The following DIP2C variants were observed in gnomAD, a reference collection of about 807,000 sequenced individuals.
DIP2C encodes the protein DIP2 acetate--CoA ligase C (putative), also known as disco-interacting protein 2 homolog C.
DIP2C carries 33 observed loss-of-function variants against 192.4 expected under a neutral mutation model. That is an observed-to-expected ratio of 0.17 (90% confidence interval 0.13 to 0.23). DIP2C has a LOEUF of 0.23. Among genes scored for constraint, DIP2C ranks in the 10% least tolerant of loss-of-function variants. The probability of loss-of-function intolerance (pLI) is 1.00; values close to 1 mark genes in which losing one functional copy is unlikely to be tolerated. For missense variants in DIP2C, 1,537 were observed against 2,110.1 expected, an observed-to-expected ratio of 0.73 and a Z score of 5.32; for synonymous variants, 979 against 864.1, an observed-to-expected ratio of 1.13 and a Z score of -2.33.
chr10:283,404 T>C lies in DIP2C; in HGVS notation c.4162A>G (p.Ile1388Val), dbSNP rs149699277. 212 of 1,614,056 alleles carry C rather than the reference T, an allele frequency of 1.3e-4. No homozygotes were observed. Among genetic ancestry groups the C allele is most frequent in the Non-Finnish European group, 2.8e-5 (33 of 1,180,048 alleles). The change falls in exon 35 of 37, where the codon ATT (isoleucine) becomes GTT (valine). Residue 1388 changes from isoleucine (I) to valine (V), a missense_variant. Physicochemically the swap from Ile to Val is conservative, Grantham distance 29. Coordinates refer to ENST00000280886, the MANE Select transcript of DIP2C (RefSeq NM_014974.3). Reference sequence around the variant, plus strand: ...GACTGGAGGGATTCGTCTCCGTAAATAGTGAAATAACCGCTGGCATTGTGG... The same window carrying C: ...GACTGGAGGGATTCGTCTCCGTAAACAGTGAAATAACCGCTGGCATTGTGG... ...SAHNASGYFT[I>V]YGDESLQSDH...
At chr10:639,137 G>A (rs537353555) in intron 1 of DIP2C, among the ~76,000 whole-genome samples, 392 of 150,262 alleles carry the variant, frequency 2.6e-3, no homozygotes, top group African/African-American at 8.8e-3. Context: ...TCCACACATG[G>A]GGACGCGTCA....
intron 1 of DIP2C, among the ~76,000 whole-genome samples, chr10:640,744 G>C (rs1855144227): frequency 6.7e-6 from 1 of 149,882 alleles, no homozygotes; most frequent in South Asian, 2.1e-4. Flanking sequence ...TGGGCGCCGG[G>C]AAGAGGGTGG....
At chr10:598,613 T>C (rs1851864800) in intron 1 of DIP2C, among the ~76,000 whole-genome samples, 1 of 150,318 alleles carries the variant, frequency 6.7e-6, no homozygotes, top group African/African-American at 2.5e-5. Flanking sequence ...CTTCAGAGGC[T>C]GCTTCCTCAA....
chr10:514,068 G>A (rs1846197516), intron 1 of DIP2C, among the ~76,000 whole-genome samples: 1 of 152,200 alleles, frequency 6.6e-6, no homozygotes, highest in South Asian at 2.1e-4. Flanking sequence ...CCCCAGCAGT[G>A]CCCACCTTCT....
rs767807819 is a variant in DIP2C, at chr10:399,152, G to C, written c.1217C>G (p.Ala406Gly). The change falls in exon 10 of 37, where the codon GCC becomes GGC. Residue 406 changes from alanine (A) to glycine (G), a missense_variant. Physicochemically the swap from Ala to Gly is moderately conservative, Grantham distance 60 (BLOSUM62 0). This residue lies in a region of DIP2C where 677 missense variants were observed against 989.9 expected (regional missense o/e 0.68). Coordinates refer to ENST00000280886, the MANE Select transcript of DIP2C (RefSeq NM_014974.3). Reference sequence around the variant, plus strand: ...CTCGATGGGCACGGGGACCACCTCGGCCAGCAGGCAGCCGTAGAAAGCCGC... The same window carrying C: ...CTCGATGGGCACGGGGACCACCTCGCCCAGCAGGCAGCCGTAGAAAGCCGC... ...FMAAFYGCLL[A>G]EVVPVPIEVP... 5 of 1,613,984 alleles carry C rather than the reference G, an allele frequency of 3.1e-6. No individual in the cohort carries two copies. The South Asian group carries it at 3.3e-5, about 11-fold the overall frequency.
At chr10:387,856 C>T in intron 13 of DIP2C, 47 bp from the exon 14 acceptor site, 3 of 1,588,572 alleles carry the variant, frequency 1.9e-6, no homozygotes, top group Non-Finnish European at 2.6e-6. Flanking sequence ...GACAGGGCGG[C>T]AACAGATCAA....
intron 14 of DIP2C, among the ~76,000 whole-genome samples, chr10:385,903 C>G (rs77047070): frequency 0.17 from 25,846 of 152,120 alleles, 2,321 homozygotes; most frequent in East Asian, 0.21. Context: ...TCTGCCGACT[C>G]CCCGCCACTC....
intron 3 of DIP2C, among the ~76,000 whole-genome samples, chr10:451,992 A>G (rs180965716): frequency 1.0e-3 from 157 of 152,170 alleles, no homozygotes; most frequent in African/African-American, 3.5e-3. Context: ...CACCCAGCTC[A>G]GGGCGACACA....
At chr10:585,661 T>TCA (rs1229661136) in intron 1 of DIP2C, among the ~76,000 whole-genome samples, 1 of 152,132 alleles carries the variant, frequency 6.6e-6, no homozygotes, top group Non-Finnish European at 1.5e-5. Context: ...TGCAGGGGCC[T>TCA]CACCTCTGTC....
At chr10:338,094 G>A (rs1957956500) in intron 29 of DIP2C, among the ~76,000 whole-genome samples, 1 of 152,330 alleles carries the variant, frequency 6.6e-6, no homozygotes, top group South Asian at 2.1e-4. Context: ...TTAATAGAAA[G>A]CAGCTTATAA....
intron 1 of DIP2C, among the ~76,000 whole-genome samples, chr10:576,331 A>T (rs973756875): frequency 6.6e-6 from 1 of 152,226 alleles, no homozygotes; most frequent in African/African-American, 2.4e-5. Flanking sequence ...GACTCTTGAC[A>T]ATTACTCATA....
chr10:332,957 C>T (rs943149714), intron 29 of DIP2C, among the ~76,000 whole-genome samples: 1 of 152,196 alleles, frequency 6.6e-6, no homozygotes, highest in Non-Finnish European at 1.5e-5. Flanking sequence ...GGTTGGAGTG[C>T]AGTGGTGCAT....
rs1955269213 is a variant in DIP2C, at chr10:288,412, T to C, written c.3996A>G (p.Leu1332=). Residue 1332 remains leucine (L), a synonymous_variant, in exon 33 of 37, where the codon TTA becomes TTG. Transcript: ENST00000280886. ...GACTATGAGGGGATCCTCTTTCCAC[T>C]AAGCGGACTCTGCAAACAGAAAGAG... ...MRALRHDRVR[L]VERGSPHSLP... 1 of 1,614,064 alleles carries C rather than the reference T, an allele frequency of 6.2e-7. No homozygotes were observed. The highest frequency in any genetic ancestry group is 8.5e-7 in the Non-Finnish European group (1 of 1,179,958).
intron 1 of DIP2C, among the ~76,000 whole-genome samples, chr10:611,726 GGA>G (rs1853113653): frequency 6.6e-6 from 1 of 152,174 alleles, no homozygotes; most frequent in Non-Finnish European, 1.5e-5. Flanking sequence ...CACACACGTA[GGA>G]AAGCAGTGCC....
chr10:367,554 A>T (rs1331013016), intron 18 of DIP2C, among the ~76,000 whole-genome samples: 3 of 152,200 alleles, frequency 2.0e-5, no homozygotes, highest in African/African-American at 7.2e-5. Context: ...TCGGCAGGGT[A>T]CAGCTTCACA....
At chr10:326,091 G>T (rs1362116625) in intron 31 of DIP2C, among the ~76,000 whole-genome samples, 2 of 152,148 alleles carry the variant, frequency 1.3e-5, no homozygotes, top group Non-Finnish European at 2.9e-5. Context: ...TGAGGTGGGA[G>T]GGTTGCTTGA....
chr10:311,570 C>T, intron 31 of DIP2C: 1 of 1,232,408 alleles, frequency 8.1e-7, no homozygotes, highest in Non-Finnish European at 1.0e-6. Context: ...TGTGAGGCTA[C>T]AGCAGCAGAA....
At chr10:610,891 G>A (rs1327989505) in intron 1 of DIP2C, among the ~76,000 whole-genome samples, 1 of 147,950 alleles carries the variant, frequency 6.8e-6, no homozygotes, top group African/African-American at 2.5e-5. Context: ...AGTGTTGGAG[G>A]TGGGCCCTGG....
At chr10:511,262 GTCCTGCCAATCCAGCGGCT>G (rs1845995488) in intron 1 of DIP2C, among the ~76,000 whole-genome samples, 1 of 152,182 alleles carries the variant, frequency 6.6e-6, no homozygotes, top group African/African-American at 2.4e-5. Flanking sequence ...AGGGCGGTGT[GTCCTGCCAATCCAGCGGCT>G]TCCTCCAAGG....
Sources: gnomAD v4.1 joint callset for allele counts (sites outside exome capture counted in the v4.1 genomes callset) on GRCh38, gnomAD v4.1.1 for gene constraint, gnomAD v4.1.1 regional missense constraint, MANE v1.5 for transcripts, NCBI Gene and HGNC (gene_info 2026-07-23, HGNC 2026-07-21) for gene names.